The following ARHGAP35 variants were observed in gnomAD, a reference collection of about 807,000 sequenced individuals.
ARHGAP35 encodes rho GTPase-activating protein 35.
In ARHGAP35, 15 loss-of-function variants were observed where a neutral mutation model predicts 111.1. The ratio of observed to expected loss-of-function variants is 0.13; its 90% CI spans 0.09 to 0.21. ARHGAP35 has a LOEUF of 0.21. Ranked by LOEUF, ARHGAP35 falls within the 10% of genes least tolerant of loss-of-function variation. ARHGAP35 has a pLI of 1.00. For synonymous variants in ARHGAP35, 643 were observed against 710.3 expected (o/e 0.91, Z 1.51); for missense variants, 1,262 against 1,873.0 (o/e 0.67, Z 6.02).
chr19:46,901,312 C>T lies in ARHGAP35; in HGVS notation c.-188-17176C>T, dbSNP rs1411852574. On this transcript the variant is annotated intron_variant, in intron 1 of 6. Transcript: ENST00000672722. The surrounding 1 kb of genome is among the most constrained non-coding windows in gnomAD (Gnocchi z 4.5). ...GTGGCTCACCCCTGTAATCCCAGCA[C>T]TTCGGGAGGCCGAGGCAGGTGGATC... Among the ~76,000 whole-genome samples the T allele has an allele frequency of 1.3e-5, 2 of 152,198 alleles. No homozygotes were observed. The highest frequency in any genetic ancestry group is 2.9e-5 in the Non-Finnish European group (2 of 68,032).
At chr19:46,878,035 T>G (rs2055935447) in intron 1 of ARHGAP35, among the ~76,000 whole-genome samples, 1 of 151,972 alleles carries the variant, frequency 6.6e-6, no homozygotes, top group Non-Finnish European at 1.5e-5. Flanking sequence ...TAAGTTTATT[T>G]TTTTGAGACA....
rs2122368843 is a variant in ARHGAP35, at chr19:47,000,826, G to A, written c.*138G>A. The A allele has an allele frequency of 6.5e-7, 1 of 1,541,370 alleles. No homozygotes were observed. Among genetic ancestry groups the A allele is most frequent in the East Asian group, 2.4e-5 (1 of 40,906 alleles). On this transcript the variant is annotated 3_prime_UTR_variant, in exon 7 of 7. Coordinates refer to ENST00000672722, the MANE Select transcript of ARHGAP35 (RefSeq NM_004491.5). This position sits in a 1 kb window ranked among gnomAD's most constrained non-coding sequence, Gnocchi z 6.9. ...CCATTACCTTCTCAAGACCTCAGTGGGAGCACCAGCCAATGGTACCATCGG... is the reference window on the plus strand; with the variant it reads ...CCATTACCTTCTCAAGACCTCAGTGAGAGCACCAGCCAATGGTACCATCGG...
At position 46,992,568 on chromosome 19, in the gene ARHGAP35, C is replaced by T. The variant is rs914055691; in HGVS notation, c.4036+2893C>T. Among the ~76,000 whole-genome samples, 2 of 151,904 alleles carry T rather than the reference C, an allele frequency of 1.3e-5. No homozygotes were observed. The highest frequency in any genetic ancestry group is 2.4e-5 in the African/African-American group (1 of 41,342). ...TCCCTCCTCCCTGCCTATCTGGAGT[C>T]GACCCCGTCCAGCTGGTGTCCACAG... On this transcript the variant is annotated intron_variant, in intron 5 of 6. Transcript: ENST00000672722. This position sits in a 1 kb window ranked among gnomAD's most constrained non-coding sequence, Gnocchi z 4.4.
chr19:46,993,698 G>A lies in ARHGAP35; in HGVS notation c.4036+4023G>A, dbSNP rs2056691534. On this transcript the variant is annotated intron_variant, in intron 5 of 6. Transcript: ENST00000672722. This position sits in a 1 kb window ranked among gnomAD's most constrained non-coding sequence, Gnocchi z 4.6. ...AAAATGCCTCCCTTGGACGTTTCTTGTTGTCTCAGTCGATGGCCCCTAAGT... is the reference window on the plus strand; with the variant it reads ...AAAATGCCTCCCTTGGACGTTTCTTATTGTCTCAGTCGATGGCCCCTAAGT... 6.6e-6 allele frequency among the ~76,000 whole-genome samples: 1 copy of A among 152,116 alleles called. No homozygotes were observed. Among genetic ancestry groups the A allele is most frequent in the Non-Finnish European group, 1.5e-5 (1 of 68,026 alleles).
intron 1 of ARHGAP35, among the ~76,000 whole-genome samples, chr19:46,900,820 C>A (rs1463443677): frequency 1.3e-5 from 2 of 152,120 alleles, no homozygotes; most frequent in Non-Finnish European, 2.9e-5. Context: ...TGTTCAGCTG[C>A]CTGGAATGCT....
chr19:46,871,366 G>A (rs368879721), intron 1 of ARHGAP35, among the ~76,000 whole-genome samples: 42 of 152,202 alleles, frequency 2.8e-4, no homozygotes, highest in African/African-American at 1.0e-3. Flanking sequence ...TTTTTGAGAT[G>A]GAGTCTTGCT....
intron 3 of ARHGAP35, among the ~76,000 whole-genome samples, chr19:46,942,817 G>A (rs8104996): frequency 0.99 from 138,656 of 140,010 alleles, 68,654 homozygotes; most frequent in Middle Eastern, 1. Context: ...CCCTGTCTCA[G>A]AAAAAAAAAA....
chr19:46,944,734 T>C (rs2056368717), intron 3 of ARHGAP35, among the ~76,000 whole-genome samples: 1 of 152,168 alleles, frequency 6.6e-6, no homozygotes, highest in South Asian at 2.1e-4. Flanking sequence ...CAAATCCTTC[T>C]AAACACAGAT....
intron 3 of ARHGAP35, among the ~76,000 whole-genome samples, chr19:46,976,855 G>A (rs1568484996): frequency 1.3e-5 from 2 of 152,186 alleles, no homozygotes; most frequent in African/African-American, 4.8e-5. Context: ...CTCTTGCTCT[G>A]TGTCTGTCTG....
At position 46,961,794 on chromosome 19, in the gene ARHGAP35, G is replaced by A. The variant is rs773692013; in HGVS notation, c.3826+24386G>A. On this transcript the variant is annotated intron_variant, in intron 3 of 6. Transcript: ENST00000672722. ...AAAATACAAAAATTAGCCGGGCGTG[G>A]TGGCGCACACCTGTAGTCCCAACTA... is the stretch of plus-strand genomic sequence containing the variant. 3.9e-5 allele frequency among the ~76,000 whole-genome samples: 6 copies of A among 152,122 alleles called. 1 individual carries two copies. In the South Asian group the frequency reaches 8.3e-4, roughly 21 times the overall value.
intron 1 of ARHGAP35, among the ~76,000 whole-genome samples, chr19:46,900,222 G>GTTTTTT (rs373787596): frequency 7.8e-6 from 1 of 128,666 alleles, no homozygotes; most frequent in Non-Finnish European, 1.6e-5. Context: ...TGTTTTTTGG[G>GTTTTTT]TTTTTTTTTT....
At position 47,000,567 on chromosome 19, in the gene ARHGAP35, C is replaced by T; in HGVS notation, c.4379C>T (p.Pro1460Leu). Residue 1460 changes from proline to leucine, a missense_variant, in exon 7 of 7, where the codon CCC becomes CTC. Around this residue, in one of 8 missense-constraint regions of ARHGAP35, gnomAD observed 75 missense variants for 87.0 expected, o/e 0.86. Transcript: ENST00000672722. This position sits in a 1 kb window ranked among gnomAD's most constrained non-coding sequence, Gnocchi z 6.9. Reference protein sequence around the residue: ...SSPSAVASTVPFLTSTPVTSQ... With the variant: ...SSPSAVASTVLFLTSTPVTSQ... ...CCCTCTGCCGTGGCTTCCACCGTCCCCTTCCTCACTTCCACGCCTGTCACA... is the reference window on the plus strand; with the variant it reads ...CCCTCTGCCGTGGCTTCCACCGTCCTCTTCCTCACTTCCACGCCTGTCACA... 1 of 1,613,544 alleles carries T rather than the reference C, an allele frequency of 6.2e-7. No individual in the cohort carries two copies. The highest frequency in any genetic ancestry group is 8.5e-7 in the Non-Finnish European group (1 of 1,179,846).
In ARHGAP35 at chr19:46,866,356, C is replaced by T. The variant is rs1236576996; in HGVS notation, c.-189+5147C>T. 2.6e-5 allele frequency among the ~76,000 whole-genome samples: 4 copies of T among 152,192 alleles called. No homozygotes were observed. In the East Asian group the frequency reaches 7.7e-4, roughly 29 times the overall value. ...GCGCGTAGTCTAGCCTCCTCATTTA[C>T]AGATGGAGGAATGGAAGGCTGGCAT... is the stretch of plus-strand genomic sequence containing the variant. On this transcript the variant is annotated intron_variant, in intron 1 of 6. Coordinates refer to ENST00000672722, the MANE Select transcript of ARHGAP35 (RefSeq NM_004491.5).
chr19:46,896,545 A>G, intron 1 of ARHGAP35, among the ~76,000 whole-genome samples: 1 of 152,254 alleles, frequency 6.6e-6, no homozygotes, highest in Non-Finnish European at 1.5e-5. Context: ...AGTGGATTAG[A>G]GCAGTTGTAG....
chr19:46,982,786 C>T (rs1361350346), intron 3 of ARHGAP35, among the ~76,000 whole-genome samples: 2 of 151,772 alleles, frequency 1.3e-5, no homozygotes, highest in Admixed American at 6.6e-5. Flanking sequence ...GGCCCACACC[C>T]AGAATCCCAG....
intron 3 of ARHGAP35, among the ~76,000 whole-genome samples, chr19:46,978,762 GCATGTGTGTGGTGGAATGTGTCT>G (rs2056598844): frequency 7.4e-6 from 1 of 135,718 alleles, no homozygotes; most frequent in Admixed American, 7.4e-5. Context: ...GTGTGGTGGG[GCATGTGTGTGGTGGAATGTGTCT>G]GGTGTGTGTG....
At position 46,923,873 on chromosome 19, in the gene ARHGAP35, T is replaced by A. The variant is rs111571244; in HGVS notation, c.3681+1517T>A. ...GAGGCAGAGGTTGCAGTGAGCCAAG[T>A]TCACGACACTGTATTCCAGCTTGGG... On this transcript the variant is annotated intron_variant, in intron 2 of 6. Coordinates refer to ENST00000672722, the MANE Select transcript of ARHGAP35 (RefSeq NM_004491.5). Among the ~76,000 whole-genome samples, 967 of 151,564 alleles carry A rather than the reference T, an allele frequency of 6.4e-3. 6 individuals are homozygous for A. Among genetic ancestry groups the A allele is most frequent in the South Asian group, 0.02 (94 of 4,788 alleles).
chr19:46,874,501 C>CTTTTTTTTTT (rs758783354), intron 1 of ARHGAP35, among the ~76,000 whole-genome samples: 2 of 114,468 alleles, frequency 1.7e-5, no homozygotes, highest in Non-Finnish European at 3.5e-5. Flanking sequence ...TATGTTTTGT[C>CTTTTTTTTTT]TTTTTTTTTT....
chr19:46,922,679 A>G lies in ARHGAP35; in HGVS notation c.3681+323A>G, dbSNP rs2056210643. 1.3e-5 allele frequency among the ~76,000 whole-genome samples: 2 copies of G among 152,182 alleles called. No individual in the cohort carries two copies. The highest frequency in any genetic ancestry group is 2.4e-5 in the African/African-American group (1 of 41,448). ...GTGACAATACACTTGCTCTCCCTTC[A>G]CTGAAACACCAGAACTCAAAACTGC... On this transcript the variant is annotated intron_variant, in intron 2 of 6. Coordinates refer to ENST00000672722, the MANE Select transcript of ARHGAP35 (RefSeq NM_004491.5). This position sits in a 1 kb window ranked among gnomAD's most constrained non-coding sequence, Gnocchi z 4.0.
Sources: allele counts gnomAD v4.1 joint callset (sites outside exome capture counted in the v4.1 genomes callset), GRCh38; gene constraint gnomAD v4.1.1; regional missense constraint gnomAD v4.1.1; non-coding constraint Gnocchi (gnomAD v3.1); transcripts MANE v1.5; gene names NCBI Gene and HGNC (gene_info 2026-07-23, HGNC 2026-07-21).